Variants in TMEM218 observed in about 807,000 individuals in gnomAD.
The protein encoded by TMEM218 is transmembrane protein 218.
Under a neutral mutation model 10.0 loss-of-function variants are expected in TMEM218, and 8 were observed. The observed-to-expected ratio is 0.80, with a 90% CI of 0.47 to 1.44. The LOEUF (loss-of-function observed/expected upper bound fraction) is 1.44, where lower values mean the gene tolerates loss of function less well. Ranked by LOEUF, TMEM218 falls within the 40% of genes most tolerant of loss-of-function variation. TMEM218 has a pLI of 0.00. For missense variants in TMEM218, 110 were observed against 140.1 expected (o/e 0.79, Z 1.08); for synonymous variants, 66 against 63.5 (o/e 1.04, Z -0.18).
At chr11:125,100,452 A>T (rs1321457101) in intron 4 of TMEM218, among the ~76,000 whole-genome samples, 1 of 152,260 alleles carries the variant, frequency 6.6e-6, no homozygotes, top group Non-Finnish European at 1.5e-5. Context: ...GCACACGGAA[A>T]TCCCTTAAAG....
rs986400070 is a variant in TMEM218, at chr11:125,111,578, T to A, written c.-192A>T. 6.6e-6 allele frequency: 1 copy of A among 152,542 alleles called. No homozygotes were observed. Among genetic ancestry groups the A allele is most frequent in the Non-Finnish European group, 1.5e-5 (1 of 68,300 alleles). The allele number at this position is 152,542 out of a possible 1,614,324, so 9.4% of individuals were successfully genotyped here. A position where few individuals can be genotyped will look rare whatever the true frequency, so the allele number is the denominator to read the frequency against. On this transcript the variant is annotated 5_prime_UTR_variant, in exon 1 of 5. Coordinates refer to ENST00000682305, the MANE Select transcript of TMEM218 (RefSeq NM_001258244.2). ...CCTGGATCCACTCTCCCCCAGGCTC[T>A]ACTCACACCTCAGATTCCGGCGCGT...
intron 1 of TMEM218, chr11:125,103,926 C>T (rs185641542): frequency 3.3e-5 from 5 of 151,894 alleles, no homozygotes; most frequent in Non-Finnish European, 5.9e-5. Context: ...AAAAAAAATA[C>T]GTTTATTGAA....
chr11:125,101,968 A>C (rs1380149508), intron 3 of TMEM218, 164 bp downstream of exon 3: 13 of 815,750 alleles, frequency 1.6e-5, no homozygotes, highest in Non-Finnish European at 2.3e-5. Context: ...GCTCCAGAGC[A>C]TAAATAACAC....
In TMEM218 at chr11:125,096,952, T is replaced by A. The variant is rs1379484984; in HGVS notation, c.*654A>T. 6.6e-6 allele frequency: 1 copy of A among 152,184 alleles called. No individual in the cohort carries two copies. The highest frequency in any genetic ancestry group is 1.5e-5 in the Non-Finnish European group (1 of 68,028). The allele number at this position is 152,184 out of a possible 1,614,324, so 9.4% of individuals were successfully genotyped here. On this transcript the variant is annotated 3_prime_UTR_variant, in exon 5 of 5. Coordinates refer to ENST00000682305, the MANE Select transcript of TMEM218 (RefSeq NM_001258244.2). ...CAAAAAACAAAAAACAATATTTCCA[T>A]ACCTTTCCTCTAATCCCAAGGAAAC...
intron 4 of TMEM218, among the ~76,000 whole-genome samples, chr11:125,098,876 G>A (rs1480598620): frequency 6.6e-6 from 1 of 152,176 alleles, no homozygotes; most frequent in African/African-American, 2.4e-5. Flanking sequence ...CACTGGCTCT[G>A]AAGATGGAGG....
chr11:125,096,883 C>T lies in TMEM218; in HGVS notation c.*723G>A, dbSNP rs1336211804. 1 of 152,114 alleles carries T rather than the reference C, an allele frequency of 6.6e-6. No homozygotes were observed. The highest frequency in any genetic ancestry group is 2.4e-5 in the African/African-American group (1 of 41,414). The allele number at this position is 152,114 out of a possible 1,614,324, so 9.4% of individuals were successfully genotyped here. A position where few individuals can be genotyped will look rare whatever the true frequency, so the allele number is the denominator to read the frequency against. On this transcript the variant is annotated 3_prime_UTR_variant, in exon 5 of 5. Coordinates refer to ENST00000682305, the MANE Select transcript of TMEM218 (RefSeq NM_001258244.2). ...GGTAATTAAATAAGGCACACACAGCCCACCACATCATGGAAGAAAAAAACC... is the reference window on the plus strand; with the variant it reads ...GGTAATTAAATAAGGCACACACAGCTCACCACATCATGGAAGAAAAAAACC...
At chr11:125,104,838 A>G (rs796886982) in intron 1 of TMEM218, 50 of 152,388 alleles carry the variant, frequency 3.3e-4, no homozygotes, top group African/African-American at 1.1e-3. Flanking sequence ...TAAATGTTCA[A>G]TAAAATAGAA....
In TMEM218 at chr11:125,105,780, G is replaced by T. The variant is rs980828569; in HGVS notation, c.-152-2971C>A. On this transcript the variant is annotated intron_variant, in intron 1 of 4. Coordinates refer to ENST00000682305, the MANE Select transcript of TMEM218 (RefSeq NM_001258244.2). ...ACTAGTAAAGTGAAAAAAAAATAAA[G>T]AAAACAGAAAGTGGGGCAAGGGTCA... 4.6e-5 allele frequency among the ~76,000 whole-genome samples: 7 copies of T among 151,232 alleles called. No individual in the cohort carries two copies. In the East Asian group the frequency reaches 9.9e-4, roughly 21 times the overall value.
At chr11:125,099,143 C>A (rs1036405931) in intron 4 of TMEM218, among the ~76,000 whole-genome samples, 1 of 152,176 alleles carries the variant, frequency 6.6e-6, no homozygotes, top group Non-Finnish European at 1.5e-5. Flanking sequence ...ATCTCTCAGA[C>A]CCGAGCCCTA....
At chr11:125,102,521 G>A in intron 2 of TMEM218, 3 of 1,438,488 alleles carry the variant, frequency 2.1e-6, no homozygotes, top group Non-Finnish European at 9.2e-7. Context: ...TTTCCGCTCT[G>A]CGCTCAGAAG....
At chr11:125,104,021 A>T (rs1019670830) in intron 1 of TMEM218, 2 of 152,266 alleles carry the variant, frequency 1.3e-5, no homozygotes, top group Non-Finnish European at 2.9e-5. Context: ...TTCTGACAGA[A>T]GCTCAAGGTC....
At chr11:125,105,780 G>C (rs980828569) in intron 1 of TMEM218, among the ~76,000 whole-genome samples, 1 of 151,232 alleles carries the variant, frequency 6.6e-6, no homozygotes, top group African/African-American at 2.4e-5. Context: ...AAAAAATAAA[G>C]AAAACAGAAA....
At chr11:125,105,323 C>T (rs10893326) in intron 1 of TMEM218, among the ~76,000 whole-genome samples, 23,240 of 152,138 alleles carry the variant, frequency 0.15, 2,177 homozygotes, top group East Asian at 0.42. Context: ...CAAAACTAAA[C>T]CCACAGGCTG....
In TMEM218 at chr11:125,097,740, T is replaced by G; in HGVS notation, c.214A>C (p.Ile72Leu). 6.2e-7 allele frequency: 1 copy of G among 1,612,984 alleles called. No individual in the cohort carries two copies. Among genetic ancestry groups the G allele is most frequent in the Non-Finnish European group, 8.5e-7 (1 of 1,179,584 alleles). The part of the protein sequence containing the change: ...EFPAPEVEVK[I>L]VDDFFIGRYV... ...CGGCCAATGAAAAAGTCATCCACAA[T>G]CTGGAGAAAGAAAACATCAAAATGA... The change falls in exon 5 of 5, where the codon ATT becomes CTT. Residue 72 changes from isoleucine to leucine, a missense_variant and splice_region_variant. Ile to Leu is a conservative substitution (Grantham distance 5). Transcript: ENST00000682305.
intron 4 of TMEM218, among the ~76,000 whole-genome samples, chr11:125,099,088 GT>G (rs1178830895): frequency 6.6e-6 from 1 of 152,180 alleles, no homozygotes; most frequent in Non-Finnish European, 1.5e-5. Context: ...CACATAATTT[GT>G]TACAGCAGCA....
intron 1 of TMEM218, among the ~76,000 whole-genome samples, chr11:125,107,701 T>C (rs992963526): frequency 6.6e-6 from 1 of 151,994 alleles, no homozygotes; most frequent in African/African-American, 2.4e-5. Flanking sequence ...GAGCTAGTTG[T>C]TGAAGCTGGG....
intron 3 of TMEM218, chr11:125,101,726 T>C: frequency 1.9e-6 from 1 of 515,174 alleles, no homozygotes; most frequent in Non-Finnish European, 3.4e-6. Context: ...GGCCTAACCC[T>C]GTTCTGAAGG....
chr11:125,102,033 T>C, intron 3 of TMEM218, 99 bp downstream of exon 3: 1 of 1,352,764 alleles, frequency 7.4e-7, no homozygotes, highest in Non-Finnish European at 9.7e-7. Flanking sequence ...TGCCAGTAAT[T>C]ACAAAACTGA....
rs1354042128 is a variant in TMEM218, at chr11:125,108,438, A to G, written c.-153+3101T>C. Among the ~76,000 whole-genome samples, 1 of 152,244 alleles carries G rather than the reference A, an allele frequency of 6.6e-6. No individual in the cohort carries two copies. Among genetic ancestry groups the G allele is most frequent in the Non-Finnish European group, 1.5e-5 (1 of 68,034 alleles). ...AAAGTAATTCGTAATGAAATAGCAT[A>G]TGTTTAAATATACAAATGTTCAGGC... is the stretch of plus-strand genomic sequence containing the variant. On this transcript the variant is annotated intron_variant, in intron 1 of 4. Transcript: ENST00000682305. The surrounding 1 kb of genome is among the most constrained non-coding windows in gnomAD (Gnocchi z 5.3).
Sources: gnomAD v4.1 joint callset for allele counts (sites outside exome capture counted in the v4.1 genomes callset) on GRCh38, gnomAD v4.1.1 for gene constraint, Gnocchi (gnomAD v3.1) non-coding constraint, MANE v1.5 for transcripts, NCBI Gene and HGNC (gene_info 2026-07-23, HGNC 2026-07-21) for gene names.